The following GAK variants were observed in gnomAD, a reference collection of about 807,000 sequenced individuals.
The protein encoded by GAK is cyclin-G-associated kinase.
A neutral mutation model predicts 143.9 loss-of-function variants in GAK; 79 were observed. The observed-to-expected ratio is 0.55, with a 90% CI of 0.46 to 0.66. The LOEUF (loss-of-function observed/expected upper bound fraction) is 0.66, where lower values mean the gene tolerates loss of function less well. Ranked by LOEUF, GAK falls within the 30% of genes least tolerant of loss-of-function variation. The pLI is 0.00. For synonymous variants in GAK, 881 were observed against 765.5 expected, an observed-to-expected ratio of 1.15 and a Z score of -2.49; for missense variants, 1,693 against 1,779.7, an observed-to-expected ratio of 0.95 and a Z score of 0.88.
intron 25 of GAK, 158 bp from the exon 26 acceptor site, chr4:851,242 C>T (rs998231805): frequency 3.6e-6 from 2 of 562,696 alleles, no homozygotes; most frequent in Admixed American, 3.1e-5. Flanking sequence ...GGACCACAGG[C>T]ATGCGCCACC....
chr4:911,933 G>A (rs1221598154), intron 3 of GAK, 146 bp from the exon 4 acceptor site: 2 of 624,148 alleles, frequency 3.2e-6, no homozygotes, highest in East Asian at 3.3e-5. Flanking sequence ...CGGAAGATGA[G>A]GGAGAGAGCA....
At chr4:888,617 C>T (rs893606962) in intron 11 of GAK, 4 of 549,838 alleles carry the variant, frequency 7.3e-6, no homozygotes, top group African/African-American at 5.8e-5. Flanking sequence ...GGCATCTCCT[C>T]AGCAGGGCCT....
chr4:900,862 C>A (rs564927005), intron 5 of GAK, among the ~76,000 whole-genome samples: 1 of 152,270 alleles, frequency 6.6e-6, no homozygotes, highest in African/African-American at 2.4e-5. Context: ...GGTGAAAGGG[C>A]CTGGGGCATG....
intron 13 of GAK, 26 bp downstream of exon 13, chr4:883,289 C>G: frequency 6.2e-7 from 1 of 1,610,570 alleles, no homozygotes; most frequent in South Asian, 1.1e-5. Context: ...CAGAGTGGCA[C>G]CAAGACAAAG....
intron 24 of GAK, among the ~76,000 whole-genome samples, chr4:855,690 C>G (rs1749008032): frequency 6.6e-6 from 1 of 152,182 alleles, no homozygotes; most frequent in African/African-American, 2.4e-5. Flanking sequence ...TTGGCTTGGC[C>G]AGGCAGGGTG....
rs1257381772 is a variant in GAK at position 851,986 on chromosome 4, G to A, written c.3284-12C>T. On this transcript the variant is annotated splice_polypyrimidine_tract_variant and intron_variant, in intron 24 of 27. Coordinates refer to ENST00000314167, the MANE Select transcript of GAK (RefSeq NM_005255.4). ...TCCAGCTGGTGAGCCTGTGGAGATG[G>A]AGATCGGAAACTCGGCATCTGGTTG... is the stretch of plus-strand genomic sequence containing the variant. The A allele has an allele frequency of 2.5e-6, 4 of 1,608,312 alleles. No individual in the cohort carries two copies. The highest frequency in any genetic ancestry group is 3.4e-6 in the Non-Finnish European group (4 of 1,176,222).
chr4:902,133 G>A (rs1472857150), intron 5 of GAK, among the ~76,000 whole-genome samples: 1 of 151,964 alleles, frequency 6.6e-6, no homozygotes, highest in Non-Finnish European at 1.5e-5. Context: ...AGCTACTCGG[G>A]AGGCTGAGGT....
intron 16 of GAK, 133 bp downstream of exon 16, chr4:877,482 C>T (rs1714187966): frequency 2.2e-6 from 2 of 927,690 alleles, no homozygotes; most frequent in South Asian, 1.8e-5. Flanking sequence ...AAGTGACCTG[C>T]CACAGACGCC....
At chr4:903,645 A>G (rs534624305) in intron 5 of GAK, among the ~76,000 whole-genome samples, 246 of 141,540 alleles carry the variant, frequency 1.7e-3, no homozygotes, top group African/African-American at 4.6e-3. Flanking sequence ...CCACCAGGGG[A>G]CTGAGGAAGG....
Position 849,538 on chromosome 4 carries a change from G to T in GAK, c.*135C>A. ...TCTTCATGTGCCTGGAACGCTGGGCGGGCGGTGACCCGGGGCTCGGAGCCC... is the reference window on the plus strand; with the variant it reads ...TCTTCATGTGCCTGGAACGCTGGGCTGGCGGTGACCCGGGGCTCGGAGCCC... On this transcript the variant is annotated 3_prime_UTR_variant, in exon 28 of 28. Coordinates refer to ENST00000314167, the MANE Select transcript of GAK (RefSeq NM_005255.4). The T allele has an allele frequency of 1.6e-6, 1 of 636,756 alleles. No individual in the cohort carries two copies. Among genetic ancestry groups the T allele is most frequent in the Non-Finnish European group, 2.9e-6 (1 of 350,160 alleles). 39.4% of individuals were successfully genotyped at this position (636,756 alleles called of 1,614,324 possible).
At position 868,660 on chromosome 4, in the gene GAK, AGGCTGCCGGGGAAGCTCC is replaced by A; in HGVS notation, c.2256_2273del (p.Glu753_Pro758del). On this transcript the variant is annotated inframe_deletion, in exon 20 of 28. Transcript: ENST00000314167. ...CAGCATCATACTGAGCCGTGGAGCCAGGCTGCCGGGGAAGCTCCGGCTTCCCTGCAGGAGAGGGAGGGC... is the reference window on the plus strand; with the variant it reads ...CAGCATCATACTGAGCCGTGGAGCCAGGCTTCCCTGCAGGAGAGGGAGGGC... The A allele has an allele frequency of 6.4e-7, 1 of 1,555,484 alleles. No homozygotes were observed. Among genetic ancestry groups the A allele is most frequent in the Non-Finnish European group, 8.7e-7 (1 of 1,149,862 alleles).
chr4:898,227 C>T (rs746135769), intron 5 of GAK, 69 bp from the exon 6 acceptor site: 62 of 1,580,322 alleles, frequency 3.9e-5, no homozygotes, highest in African/African-American at 9.4e-5. Flanking sequence ...GGAAAACGAA[C>T]GGGTGTGAGA....
intron 2 of GAK, 119 bp downstream of exon 2, chr4:913,488 T>G: frequency 8.8e-6 from 7 of 796,166 alleles, no homozygotes; most frequent in Non-Finnish European, 1.5e-5. Context: ...GGGACAAGTA[T>G]GTCCAGGCTG....
chr4:877,679 A>G lies in GAK; in HGVS notation c.1792T>C (p.Phe598Leu), dbSNP rs1380074728. The change falls in exon 16 of 28, where the codon TTC becomes CTC. Residue 598 changes from phenylalanine (F) to leucine (L), a missense_variant. Phe to Leu is a conservative substitution (Grantham distance 22). Coordinates refer to ENST00000314167, the MANE Select transcript of GAK (RefSeq NM_005255.4). ...FSKQRSGCRP[F>L]CEVYVGDERV... is the part of the protein sequence containing the mutation. ...TCGTCCCCCACGTAGACCTCGCAGAAGGGCCTGCAGCCGCTCCTCTGCTTG... is the reference window on the plus strand; with the variant it reads ...TCGTCCCCCACGTAGACCTCGCAGAGGGGCCTGCAGCCGCTCCTCTGCTTG... The G allele has an allele frequency of 6.2e-7, 1 of 1,610,558 alleles. No homozygotes were observed. Among genetic ancestry groups the G allele is most frequent in the Non-Finnish European group, 8.5e-7 (1 of 1,178,822 alleles).
chr4:903,947 A>G (rs577977843), intron 5 of GAK, among the ~76,000 whole-genome samples: 27 of 152,382 alleles, frequency 1.8e-4, no homozygotes, highest in Admixed American at 1.7e-3. Flanking sequence ...CCTGTGAGAC[A>G]GATGCTAATT....
At chr4:850,148 G>A (rs1037161718) in intron 26 of GAK, 80 bp from the exon 27 acceptor site, 32 of 1,356,320 alleles carry the variant, frequency 2.4e-5, no homozygotes, top group South Asian at 7.2e-5. Context: ...GAGGCACGAC[G>A]CTGAGGAAGT....
intron 20 of GAK, among the ~76,000 whole-genome samples, chr4:867,865 C>T (rs1357376445): frequency 6.6e-6 from 1 of 152,250 alleles, no homozygotes; most frequent in Non-Finnish European, 1.5e-5. Context: ...GTCTCCAGCA[C>T]ACCCACCTCC....
intron 18 of GAK, among the ~76,000 whole-genome samples, chr4:874,115 C>T (rs1257020160): frequency 6.6e-6 from 1 of 151,716 alleles, no homozygotes; most frequent in Non-Finnish European, 1.5e-5. Flanking sequence ...TTAATCCCCT[C>T]CTCGGCTGTG....
rs905817202 is a variant in GAK at position 883,599 on chromosome 4, C to T, written c.1256-136G>A. 6.4e-5 allele frequency: 63 copies of T among 981,272 alleles called. 1 individual carries two copies. The highest frequency in any genetic ancestry group is 4.3e-4 in the Middle Eastern group (2 of 4,628). 60.8% of individuals were successfully genotyped at this position (981,272 alleles called of 1,614,324 possible). On this transcript the variant is annotated intron_variant, in intron 12 of 27. Transcript: ENST00000314167. Reference sequence around the variant, plus strand: ...CTCCACCAGCCACTGCCCACACAGCCGGCCCCCTCACCCTCCGTGGACTCC... The same window carrying T: ...CTCCACCAGCCACTGCCCACACAGCTGGCCCCCTCACCCTCCGTGGACTCC...
Sources: allele counts gnomAD v4.1 joint callset (sites outside exome capture counted in the v4.1 genomes callset), GRCh38; gene constraint gnomAD v4.1.1; transcripts MANE v1.5; gene names NCBI Gene and HGNC (gene_info 2026-07-23, HGNC 2026-07-21).